The following NUFIP1 variants were observed in gnomAD, a reference collection of about 807,000 sequenced individuals.
NUFIP1 encodes FMR1-interacting protein NUFIP1.
A neutral mutation model predicts 56.2 loss-of-function variants in NUFIP1; 38 were observed. The observed-to-expected ratio is 0.68, with a 90% CI of 0.52 to 0.89. The LOEUF is 0.89. NUFIP1 is among the 40% of genes least tolerant of loss of function. The pLI, the probability that NUFIP1 is intolerant of heterozygous loss-of-function variation, is 0.00. For synonymous variants in NUFIP1, 215 were observed against 212.4 expected (o/e 1.01, Z -0.10); for missense variants, 567 against 605.8 (o/e 0.94, Z 0.67).
chr13:44,945,854 G>A (rs1870887810), intron 8 of NUFIP1, among the ~76,000 whole-genome samples: 1 of 152,068 alleles, frequency 6.6e-6, no homozygotes, highest in African/African-American at 2.4e-5. Flanking sequence ...GGGAGACAGG[G>A]TTCAATTGCC....
Position 44,946,161 on chromosome 13 carries a change from A to C in NUFIP1, c.1139-2487T>G, listed in dbSNP as rs556157875. Among the ~76,000 whole-genome samples the C allele has an allele frequency of 9.9e-5, 15 of 152,264 alleles. No homozygotes were observed. The South Asian group carries it at 2.9e-3, about 29-fold the overall frequency. On this transcript the variant is annotated intron_variant, in intron 8 of 9. Coordinates refer to ENST00000379161, the MANE Select transcript of NUFIP1 (RefSeq NM_012345.3). Reference sequence around the variant, plus strand: ...CACTCAATTCAGGAACACAAAGTCAAATGAATCAGAGCTTATAATTGTCAA... The same window carrying C: ...CACTCAATTCAGGAACACAAAGTCACATGAATCAGAGCTTATAATTGTCAA...
At chr13:44,985,730 G>A (rs766671267) in intron 1 of NUFIP1, among the ~76,000 whole-genome samples, 4 of 152,120 alleles carry the variant, frequency 2.6e-5, no homozygotes, top group Admixed American at 6.6e-5. Context: ...CTACCAACCG[G>A]TGGTTCTCCT....
In NUFIP1 at chr13:44,987,272, G is replaced by A. The variant is rs891762069; in HGVS notation, c.412+1753C>T. ...GGGCACCTGTAGTACCAGCTGCTCG[G>A]GAGGCTGAGGCAGGAGAATCACCTC... On this transcript the variant is annotated intron_variant, in intron 1 of 9. Coordinates refer to ENST00000379161, the MANE Select transcript of NUFIP1 (RefSeq NM_012345.3). Among the ~76,000 whole-genome samples, 65 of 152,038 alleles carry A rather than the reference G, an allele frequency of 4.3e-4. 1 individual carries two copies. The highest frequency in any genetic ancestry group is 1.5e-3 in the African/African-American group (62 of 41,392).
intron 9 of NUFIP1, among the ~76,000 whole-genome samples, chr13:44,941,910 G>A (rs999165804): frequency 6.6e-6 from 1 of 150,722 alleles, no homozygotes; most frequent in East Asian, 2.0e-4. Context: ...AAACGTCTGC[G>A]ATTCTTTTTT....
intron 6 of NUFIP1, among the ~76,000 whole-genome samples, chr13:44,962,057 T>C (rs1871443662): frequency 1.3e-5 from 2 of 151,848 alleles, no homozygotes. Context: ...TAAATAAAAA[T>C]GTAGATGAAT....
intron 7 of NUFIP1, 103 bp downstream of exon 7, chr13:44,959,278 T>C (rs1442432693): frequency 9.6e-6 from 10 of 1,041,040 alleles, no homozygotes; most frequent in Non-Finnish European, 1.4e-5. Flanking sequence ...TCTGCATTGT[T>C]ATACATTTGA....
At chr13:44,973,167 A>G (rs1871862421) in intron 5 of NUFIP1, among the ~76,000 whole-genome samples, 1 of 152,210 alleles carries the variant, frequency 6.6e-6, no homozygotes, top group Non-Finnish European at 1.5e-5. Context: ...TCACGAAACC[A>G]CAAGGGGGCA....
At chr13:44,963,510 C>T (rs1040877058) in intron 6 of NUFIP1, among the ~76,000 whole-genome samples, 13 of 152,248 alleles carry the variant, frequency 8.5e-5, no homozygotes, top group African/African-American at 2.9e-4. Context: ...GATGTGGCTA[C>T]AGAGTATTGA....
chr13:44,949,187 T>C (rs1490485320), intron 8 of NUFIP1, among the ~76,000 whole-genome samples: 1 of 148,672 alleles, frequency 6.7e-6, no homozygotes, highest in Non-Finnish European at 1.5e-5. Flanking sequence ...TCCTATTCTT[T>C]CATTATATTG....
intron 5 of NUFIP1, among the ~76,000 whole-genome samples, chr13:44,973,540 T>C (rs893118820): frequency 6.6e-6 from 1 of 152,204 alleles, no homozygotes; most frequent in Non-Finnish European, 1.5e-5. Flanking sequence ...CCTATAACTA[T>C]GGCACTATGG....
chr13:44,959,415 T>C lies in NUFIP1; in HGVS notation c.987A>G (p.Ala329=), dbSNP rs761767719. 5.0e-6 allele frequency: 8 copies of C among 1,613,904 alleles called. No individual in the cohort carries two copies. The Admixed American group carries it at 1.2e-4, about 24-fold the overall frequency. The stretch of plus-strand genomic sequence containing the variant: ...TGTTTATCAAAACACCAAGAGGATC[T>C]GCATTTGCCTCCGGTGGACCTTCTA... ...LKLEGPPEAN[A]DPLGVLINSD... is the part of the protein sequence containing the mutation. The change falls in exon 7 of 10, where the codon GCA becomes GCG. Residue 329 remains alanine (A), a synonymous_variant. Coordinates refer to ENST00000379161, the MANE Select transcript of NUFIP1 (RefSeq NM_012345.3).
At chr13:44,974,219 T>C (rs145220368) in intron 5 of NUFIP1, among the ~76,000 whole-genome samples, 34 of 152,324 alleles carry the variant, frequency 2.2e-4, no homozygotes, top group African/African-American at 8.2e-4. Flanking sequence ...GCAGACTACA[T>C]TTCAATTGTG....
intron 1 of NUFIP1, among the ~76,000 whole-genome samples, chr13:44,982,530 T>C (rs1001301171): frequency 6.6e-6 from 1 of 152,172 alleles, no homozygotes; most frequent in African/African-American, 2.4e-5. Flanking sequence ...GAAATATATC[T>C]CCTCTCAAAT....
At chr13:44,971,313 T>C (rs1054945160) in intron 5 of NUFIP1, among the ~76,000 whole-genome samples, 19 of 152,256 alleles carry the variant, frequency 1.2e-4, no homozygotes, top group South Asian at 8.3e-4. Context: ...CACAAACCTA[T>C]AACCTCACTT....
intron 1 of NUFIP1, 59 bp downstream of exon 1, chr13:44,988,966 G>T: frequency 1.3e-6 from 2 of 1,543,718 alleles, no homozygotes; most frequent in Non-Finnish European, 1.8e-6. Flanking sequence ...AGAGAAAGGG[G>T]AGAGGAAAGA....
chr13:44,966,085 GA>G, intron 5 of NUFIP1, 149 bp from the exon 6 acceptor site: 1 of 436,350 alleles, frequency 2.3e-6, no homozygotes, highest in Non-Finnish European at 4.0e-6. Flanking sequence ...TTTTAAGAGG[GA>G]AAAAAGTACT....
At chr13:44,967,379 A>G (rs981072767) in intron 5 of NUFIP1, among the ~76,000 whole-genome samples, 6 of 151,540 alleles carry the variant, frequency 4.0e-5, no homozygotes, top group Non-Finnish European at 8.9e-5. Context: ...ATGGTGGCGG[A>G]TGCCTGTAAT....
At chr13:44,966,002 C>CTT in intron 5 of NUFIP1, 66 bp from the exon 6 acceptor site, 2 of 881,348 alleles carry the variant, frequency 2.3e-6, no homozygotes, top group Non-Finnish European at 3.3e-6. Context: ...AGCAATCAAG[C>CTT]AATTGCTGAA....
intron 1 of NUFIP1, among the ~76,000 whole-genome samples, chr13:44,987,252 C>T (rs1382984207): frequency 6.6e-6 from 1 of 152,080 alleles, no homozygotes; most frequent in African/African-American, 2.4e-5. Context: ...GTGGCGGGCA[C>T]CTGTAGTACC....
Sources: gnomAD v4.1 joint callset for allele counts (sites outside exome capture counted in the v4.1 genomes callset) on GRCh38, gnomAD v4.1.1 for gene constraint, MANE v1.5 for transcripts, NCBI Gene and HGNC (gene_info 2026-07-23, HGNC 2026-07-21) for gene names.